EPB41L4A: variants seen among roughly 807,000 people sequenced by gnomAD.
The protein encoded by EPB41L4A is erythrocyte membrane protein band 4.1 like 4A.
EPB41L4A carries 100 observed loss-of-function variants against 108.6 expected under a neutral mutation model. The observed-to-expected ratio is 0.92, with a 90% CI of 0.78 to 1.09. The LOEUF (loss-of-function observed/expected upper bound fraction) is 1.09. EPB41L4A is among the 50% of genes least tolerant of loss of function. The probability of loss-of-function intolerance (pLI) is 0.00; values close to 1 mark genes in which losing one functional copy is unlikely to be tolerated. For missense variants in EPB41L4A, 1,030 were observed against 842.7 expected (o/e 1.22, Z -2.75); for synonymous variants, 319 against 289.0 (o/e 1.10, Z -1.05).
At chr5:112,319,395 A>G (rs1030849876) in intron 1 of EPB41L4A, among the ~76,000 whole-genome samples, 17 of 152,338 alleles carry the variant, frequency 1.1e-4, no homozygotes, top group African/African-American at 3.8e-4. Flanking sequence ...GCCAACTAAT[A>G]AATGTAGAAG....
intron 2 of EPB41L4A, among the ~76,000 whole-genome samples, chr5:112,294,661 T>A (rs900814598): frequency 1.1e-4 from 17 of 151,420 alleles, no homozygotes; most frequent in Non-Finnish European, 2.2e-4. Context: ...AGAAGGGTGT[T>A]CAGGCAGGGG....
chr5:112,286,529 T>C (rs1420683380), intron 2 of EPB41L4A, among the ~76,000 whole-genome samples: 1 of 152,204 alleles, frequency 6.6e-6, no homozygotes, highest in Non-Finnish European at 1.5e-5. Context: ...TCTTCATTAC[T>C]TCACTGAAAA....
At chr5:112,296,461 T>G (rs960682234) in intron 2 of EPB41L4A, among the ~76,000 whole-genome samples, 1 of 152,110 alleles carries the variant, frequency 6.6e-6, no homozygotes, top group Non-Finnish European at 1.5e-5. Flanking sequence ...CTGAATGGTC[T>G]GAAAAAACAC....
At chr5:112,305,101 A>G (rs1168375327) in intron 2 of EPB41L4A, among the ~76,000 whole-genome samples, 1 of 152,164 alleles carries the variant, frequency 6.6e-6, no homozygotes, top group African/African-American at 2.4e-5. Flanking sequence ...CAGTGTTTGA[A>G]AGGTCTTGGA....
At chr5:112,269,401 T>C (rs374168853) in intron 4 of EPB41L4A, among the ~76,000 whole-genome samples, 1 of 152,220 alleles carries the variant, frequency 6.6e-6, no homozygotes, top group South Asian at 2.1e-4. Flanking sequence ...AAACATTTTA[T>C]AGCGTCTCAG....
At chr5:112,272,674 G>A (rs984435810) in intron 4 of EPB41L4A, among the ~76,000 whole-genome samples, 10 of 150,424 alleles carry the variant, frequency 6.6e-5, no homozygotes, top group African/African-American at 2.0e-4. Flanking sequence ...CCAGCTACTC[G>A]GGAGGCTAAG....
intron 13 of EPB41L4A, among the ~76,000 whole-genome samples, chr5:112,207,842 C>G (rs911321862): frequency 6.6e-6 from 1 of 152,170 alleles, no homozygotes; most frequent in Non-Finnish European, 1.5e-5. Flanking sequence ...TTAGCTCAGC[C>G]ATTGTGGAAA....
chr5:112,397,739 T>TC (rs571294889), intron 1 of EPB41L4A, among the ~76,000 whole-genome samples: 117 of 152,336 alleles, frequency 7.7e-4, no homozygotes, highest in Non-Finnish European at 1.6e-3. Flanking sequence ...TAGAGTACAT[T>TC]CTCAGTTAAT....
chr5:112,389,500 C>A (rs983319464), intron 1 of EPB41L4A, among the ~76,000 whole-genome samples: 5 of 152,228 alleles, frequency 3.3e-5, no homozygotes, highest in African/African-American at 9.6e-5. Context: ...CAATCTTACA[C>A]TGGCATAATA....
chr5:112,172,659 G>T (rs1338359858), intron 18 of EPB41L4A, among the ~76,000 whole-genome samples: 1 of 152,156 alleles, frequency 6.6e-6, no homozygotes, highest in East Asian at 1.9e-4. Context: ...GTCAGAGAAA[G>T]TGCTAATATT....
At chr5:112,304,159 C>T (rs1174491900) in intron 2 of EPB41L4A, among the ~76,000 whole-genome samples, 1 of 152,112 alleles carries the variant, frequency 6.6e-6, no homozygotes, top group African/African-American at 2.4e-5. Flanking sequence ...ATGCTGTCTT[C>T]ATCTGTGTGC....
chr5:112,201,866 C>T (rs567990903), intron 15 of EPB41L4A, among the ~76,000 whole-genome samples: 9 of 152,254 alleles, frequency 5.9e-5, no homozygotes, highest in African/African-American at 2.2e-4. Context: ...ATTCCAATCC[C>T]ATGTGTGCCA....
intron 18 of EPB41L4A, among the ~76,000 whole-genome samples, chr5:112,182,132 G>A (rs1348961744): frequency 2.6e-5 from 4 of 151,980 alleles, no homozygotes; most frequent in Non-Finnish European, 5.9e-5. Context: ...GGAGCATGAA[G>A]GAACTTTCCG....
At chr5:112,213,360 T>G (rs1295049392) in intron 12 of EPB41L4A, among the ~76,000 whole-genome samples, 1 of 152,024 alleles carries the variant, frequency 6.6e-6, no homozygotes, top group African/African-American at 2.4e-5. Context: ...TTTGTTTTTT[T>G]TTTTTTAAGA....
At chr5:112,205,125 T>C (rs1179268693) in intron 14 of EPB41L4A, among the ~76,000 whole-genome samples, 1 of 152,258 alleles carries the variant, frequency 6.6e-6, no homozygotes, top group African/African-American at 2.4e-5. Flanking sequence ...GGGAAAATTA[T>C]TAATATGCCA....
intron 12 of EPB41L4A, among the ~76,000 whole-genome samples, chr5:112,217,544 T>G (rs1747740660): frequency 1.3e-5 from 2 of 152,088 alleles, no homozygotes; most frequent in South Asian, 4.1e-4. Context: ...CAAAAAAAGT[T>G]TTTTTAATTA....
At chr5:112,170,090 AAAGAGGTGGCTAAT>A (rs1233350219) in intron 20 of EPB41L4A, 197 bp downstream of exon 20, 3 of 548,822 alleles carry the variant, frequency 5.5e-6, no homozygotes, top group Admixed American at 7.4e-5. Flanking sequence ...TACCAAGTAC[AAAGAGGTGGCTAAT>A]AAGAGATGAT....
intron 1 of EPB41L4A, among the ~76,000 whole-genome samples, chr5:112,345,821 A>G (rs557894177): frequency 5.7e-4 from 85 of 148,642 alleles, no homozygotes; most frequent in Non-Finnish European, 5.4e-4. Context: ...ACACACACAC[A>G]CGCACACATA....
chr5:112,261,558 T>C (rs2150442754), intron 7 of EPB41L4A, among the ~76,000 whole-genome samples: 1 of 152,314 alleles, frequency 6.6e-6, no homozygotes, highest in Non-Finnish European at 1.5e-5. Context: ...CATAGAATAA[T>C]CAATTGGTAG....
Sources: gnomAD v4.1 joint callset for allele counts (sites outside exome capture counted in the v4.1 genomes callset) on GRCh38, gnomAD v4.1.1 for gene constraint, MANE v1.5 for transcripts, NCBI Gene and HGNC (gene_info 2026-07-23, HGNC 2026-07-21) for gene names.